Variants in VWA8 observed in about 807,000 individuals in gnomAD.
The protein encoded by VWA8 is von Willebrand factor A domain-containing protein 8.
In VWA8, 221 loss-of-function variants were observed where a neutral mutation model predicts 241.5. The ratio of observed to expected loss-of-function variants is 0.91; its 90% confidence interval spans 0.82 to 1.02. The LOEUF is 1.02. VWA8 is among the 50% of genes least tolerant of loss of function. VWA8 has a pLI of 0.00. For missense variants in VWA8, 2,322 were observed against 2,328.7 expected, an observed-to-expected ratio of 1.00 and a Z score of 0.06; for synonymous variants, 852 against 827.1, an observed-to-expected ratio of 1.03 and a Z score of -0.52.
At chr13:41,703,182 A>C (rs2045260722) in intron 27 of VWA8, 121 bp downstream of exon 27, 1 of 779,806 alleles carries the variant, frequency 1.3e-6, no homozygotes, top group African/African-American at 1.7e-5. Context: ...TGAAAGTTAG[A>C]GCAGAAGCTA....
At chr13:41,680,991 A>G (rs182535458) in intron 35 of VWA8, among the ~76,000 whole-genome samples, 1 of 152,244 alleles carries the variant, frequency 6.6e-6, no homozygotes, top group African/African-American at 2.4e-5. Flanking sequence ...CTAGTTCCCA[A>G]CTCCGGGGCC....
intron 39 of VWA8, among the ~76,000 whole-genome samples, chr13:41,606,692 T>C (rs914325257): frequency 5.3e-5 from 8 of 152,144 alleles, no homozygotes; most frequent in African/African-American, 1.7e-4. Context: ...CCCTGTCAGG[T>C]TGAGCACTGG....
chr13:41,885,714 C>T (rs986345060), intron 8 of VWA8, among the ~76,000 whole-genome samples: 1 of 152,248 alleles, frequency 6.6e-6, no homozygotes, highest in South Asian at 2.1e-4. Flanking sequence ...CTAGCTCCTA[C>T]TCCAAAGCTG....
intron 12 of VWA8, among the ~76,000 whole-genome samples, chr13:41,843,168 TAAG>T: frequency 6.6e-6 from 1 of 152,128 alleles, no homozygotes; most frequent in Non-Finnish European, 1.5e-5. Flanking sequence ...CTAAGTACAT[TAAG>T]AAGGACAAGA....
At chr13:41,880,362 C>G (rs1874111004) in intron 9 of VWA8, among the ~76,000 whole-genome samples, 1 of 152,202 alleles carries the variant, frequency 6.6e-6, no homozygotes. Flanking sequence ...TATGATGCCC[C>G]TATACCCCTA....
chr13:41,686,242 C>T (rs895485185), intron 34 of VWA8, among the ~76,000 whole-genome samples: 1 of 152,096 alleles, frequency 6.6e-6, no homozygotes, highest in Non-Finnish European at 1.5e-5. Context: ...AGGAAGAGTA[C>T]TTCTGTCTGG....
chr13:41,908,042 A>G (rs1216485033), intron 3 of VWA8, among the ~76,000 whole-genome samples: 3 of 152,228 alleles, frequency 2.0e-5, no homozygotes, highest in Non-Finnish European at 2.9e-5. Context: ...CCCACAAACT[A>G]TAGCCATTTC....
chr13:41,676,514 C>T (rs182391404), intron 35 of VWA8, among the ~76,000 whole-genome samples: 36 of 152,304 alleles, frequency 2.4e-4, no homozygotes, highest in African/African-American at 7.7e-4. Context: ...GTGTTCATAA[C>T]TGTTATACTC....
intron 12 of VWA8, among the ~76,000 whole-genome samples, chr13:41,864,278 C>T (rs1873186466): frequency 6.6e-6 from 1 of 152,044 alleles, no homozygotes; most frequent in African/African-American, 2.4e-5. Context: ...AAATTAAACG[C>T]AGAATTACCA....
At chr13:41,742,378 ATC>A (rs1218633476) in intron 21 of VWA8, among the ~76,000 whole-genome samples, 1 of 152,220 alleles carries the variant, frequency 6.6e-6, no homozygotes, top group Non-Finnish European at 1.5e-5. Context: ...TGCCCTGAAG[ATC>A]TCTCTGTTTA....
chr13:41,738,097 C>A (rs2045539365), intron 21 of VWA8, among the ~76,000 whole-genome samples: 1 of 152,070 alleles, frequency 6.6e-6, no homozygotes, highest in Non-Finnish European at 1.5e-5. Context: ...GAATGAGAGA[C>A]AGAAGGAATA....
chr13:41,754,895 T>C (rs553755629), intron 21 of VWA8, among the ~76,000 whole-genome samples: 2 of 152,120 alleles, frequency 1.3e-5, no homozygotes, highest in African/African-American at 2.4e-5. Flanking sequence ...CTTAACATAA[T>C]GACCTCCAGT....
At chr13:41,913,879 C>A (rs1349259128) in intron 2 of VWA8, among the ~76,000 whole-genome samples, 1 of 152,222 alleles carries the variant, frequency 6.6e-6, no homozygotes, top group Non-Finnish European at 1.5e-5. Flanking sequence ...CTAAGACATG[C>A]ATCCCTAGCG....
chr13:41,786,600 T>A (rs892969139), intron 18 of VWA8, among the ~76,000 whole-genome samples: 11 of 152,174 alleles, frequency 7.2e-5, no homozygotes, highest in Non-Finnish European at 1.3e-4. Context: ...TACAATATTA[T>A]TCCTTCTCTT....
Position 41,645,965 on chromosome 13 carries a change from A to ATT in VWA8, c.4611+24979_4611+24980dup, listed in dbSNP as rs66526705. Among the ~76,000 whole-genome samples the ATT allele has an allele frequency of 1.8e-4, 25 of 136,506 alleles. No homozygotes were observed. The South Asian group carries it at 2.3e-3, about 13-fold the overall frequency. The allele number at this position is 136,506 out of a possible 152,430, so 89.6% of individuals were successfully genotyped here. Reference sequence around the variant, plus strand: ...TTAAGATTCTTATCAAATTTTCCTGATTTTTTTTTTTTTTTTTTGAGACGG... The same window carrying ATT: ...TTAAGATTCTTATCAAATTTTCCTGATTTTTTTTTTTTTTTTTTTTGAGACGG... On this transcript the variant is annotated intron_variant, in intron 37 of 44. Transcript: ENST00000379310.
chr13:41,671,075 C>T lies in VWA8; in HGVS notation c.4482G>A (p.Trp1494Ter), dbSNP rs746329626. ...ISDTDALLAE[W>*]DKSGVVTVDM... ...CAACAGTAACAACACCGCTTTTGTC[C>T]CACTCAGCCAGCAGTGCATCTGTGT... Residue 1494 changes from tryptophan to a stop codon, truncating the protein, a stop_gained, in exon 37 of 45, where the codon TGG (tryptophan) becomes TGA (stop). Transcript: ENST00000379310. LOFTEE classifies it high-confidence loss of function. 2.5e-6 allele frequency: 4 copies of T among 1,613,970 alleles called. No homozygotes were observed. The highest frequency in any genetic ancestry group is 3.4e-6 in the Non-Finnish European group (4 of 1,179,894).
At chr13:41,685,279 A>T in intron 34 of VWA8, 37 bp from the exon 35 acceptor site, 1 of 1,574,492 alleles carries the variant, frequency 6.4e-7, no homozygotes, top group Non-Finnish European at 8.6e-7. Context: ...CTGAAGTACC[A>T]TATACTACAT....
chr13:41,879,538 G>A (rs754657647), intron 9 of VWA8, among the ~76,000 whole-genome samples: 6 of 150,850 alleles, frequency 4.0e-5, no homozygotes, highest in Non-Finnish European at 5.9e-5. Context: ...TATAGATTCC[G>A]TCTCTAACTA....
intron 2 of VWA8, among the ~76,000 whole-genome samples, chr13:41,923,819 T>C (rs1254412530): frequency 6.6e-6 from 1 of 150,520 alleles, no homozygotes; most frequent in Non-Finnish European, 1.5e-5. Flanking sequence ...AAAGAAGCTG[T>C]AGCTACACAG....
Sources: allele counts gnomAD v4.1 joint callset (sites outside exome capture counted in the v4.1 genomes callset), GRCh38; gene constraint gnomAD v4.1.1; transcripts MANE v1.5; gene names NCBI Gene and HGNC (gene_info 2026-07-23, HGNC 2026-07-21).